DCAF1: variants seen among roughly 807,000 people sequenced by gnomAD.
The protein encoded by DCAF1 is DDB1 and CUL4 associated factor 1.
DCAF1 carries 15 observed loss-of-function variants against 128.0 expected under a neutral mutation model. That is an observed-to-expected ratio of 0.12 (90% CI 0.08 to 0.18). The LOEUF is 0.18. DCAF1 is among the 10% of genes least tolerant of loss of function. The pLI is 1.00. For synonymous variants in DCAF1, 610 were observed against 603.0 expected, an observed-to-expected ratio of 1.01 and a Z score of -0.17; for missense variants, 988 against 1,649.5, an observed-to-expected ratio of 0.60 and a Z score of 6.95.
intron 17 of DCAF1, 130 bp from the exon 18 acceptor site, chr3:51,417,001 G>A (rs1404834158): frequency 6.4e-6 from 9 of 1,403,000 alleles, no homozygotes; most frequent in African/African-American, 1.4e-5. Flanking sequence ...CTCCCAAAGA[G>A]GAAACAATCA....
intron 9 of DCAF1, among the ~76,000 whole-genome samples, chr3:51,436,136 C>G (rs1553636625): frequency 6.6e-6 from 1 of 152,198 alleles, no homozygotes; most frequent in African/African-American, 2.4e-5. Flanking sequence ...ACTGAATTCC[C>G]TTCCCATCTA....
chr3:51,466,711 C>G, intron 5 of DCAF1, 92 bp downstream of exon 5: 1 of 1,288,058 alleles, frequency 7.8e-7, no homozygotes, highest in Non-Finnish European at 1.1e-6. Flanking sequence ...TTTGTCAAGG[C>G]CTTAGGAGAA....
intron 22 of DCAF1, 130 bp downstream of exon 22, chr3:51,412,863 G>T: frequency 1.4e-6 from 2 of 1,379,610 alleles, no homozygotes; most frequent in Non-Finnish European, 2.0e-6. Context: ...AAATGAATAG[G>T]TTATCAATAA....
intron 7 of DCAF1, among the ~76,000 whole-genome samples, chr3:51,442,374 G>A (rs1308342754): frequency 1.3e-5 from 2 of 151,942 alleles, no homozygotes; most frequent in African/African-American, 4.8e-5. Flanking sequence ...TTGGGCCAAC[G>A]CTATAAAGTG....
intron 6 of DCAF1, among the ~76,000 whole-genome samples, chr3:51,446,947 C>G (rs2107765328): frequency 1.2e-5 from 1 of 84,090 alleles, no homozygotes; most frequent in Non-Finnish European, 2.5e-5. Context: ...CCAACAAGAA[C>G]AAAACTTTGT....
At chr3:51,498,131 G>A (rs1400383681) in intron 1 of DCAF1, among the ~76,000 whole-genome samples, 10 of 149,562 alleles carry the variant, frequency 6.7e-5, no homozygotes, top group African/African-American at 2.0e-4. Flanking sequence ...GGAGGCCGAG[G>A]TGGGCAGATC....
chr3:51,483,697 G>T (rs1197963574), intron 3 of DCAF1, 22 bp downstream of exon 3: 4 of 1,572,248 alleles, frequency 2.5e-6, no homozygotes, highest in Non-Finnish European at 3.5e-6. Context: ...ATTAAACTAG[G>T]TTTTAAAAAA....
chr3:51,424,781 C>T (rs1699758136), intron 13 of DCAF1, among the ~76,000 whole-genome samples: 1 of 151,994 alleles, frequency 6.6e-6, no homozygotes, highest in Non-Finnish European at 1.5e-5. Flanking sequence ...TAAAAACATG[C>T]AAAGCAGTAT....
At chr3:51,404,180 G>A (rs954098476) in intron 23 of DCAF1, among the ~76,000 whole-genome samples, 13 of 152,168 alleles carry the variant, frequency 8.5e-5, no homozygotes, top group Admixed American at 2.0e-4. Context: ...AAAGGGAGAG[G>A]ACACAAAGAT....
intron 9 of DCAF1, among the ~76,000 whole-genome samples, chr3:51,436,714 A>C (rs964201145): frequency 1.3e-5 from 2 of 152,220 alleles, no homozygotes; most frequent in Non-Finnish European, 2.9e-5. Flanking sequence ...CCAAGAGGAC[A>C]AAAGTATTCC....
intron 3 of DCAF1, among the ~76,000 whole-genome samples, chr3:51,474,195 G>C (rs182499754): frequency 7.4e-4 from 113 of 152,116 alleles, no homozygotes; most frequent in African/African-American, 2.5e-3. Context: ...GAGGCGGGCG[G>C]ATCACCTGAG....
At chr3:51,479,569 A>G (rs1553652006) in intron 3 of DCAF1, among the ~76,000 whole-genome samples, 1 of 152,078 alleles carries the variant, frequency 6.6e-6, no homozygotes, top group East Asian at 1.9e-4. Context: ...TGGGCAGATC[A>G]TGAGGGCAGG....
At chr3:51,445,580 T>C (rs1315953777) in intron 6 of DCAF1, among the ~76,000 whole-genome samples, 5 of 152,202 alleles carry the variant, frequency 3.3e-5, no homozygotes, top group African/African-American at 4.8e-5. Context: ...AGTGTACCTA[T>C]AGATGCTCTT....
intron 2 of DCAF1, among the ~76,000 whole-genome samples, chr3:51,489,134 C>T (rs1158350602): frequency 1.3e-5 from 2 of 152,102 alleles, no homozygotes; most frequent in African/African-American, 4.8e-5. Flanking sequence ...TCTATTAAAA[C>T]ACTGTACTGG....
At chr3:51,476,542 A>G (rs1459367696) in intron 3 of DCAF1, among the ~76,000 whole-genome samples, 1 of 143,360 alleles carries the variant, frequency 7.0e-6, no homozygotes, top group Admixed American at 7.4e-5. Context: ...TCCATCTAGC[A>G]GAGTACTTTA....
chr3:51,490,491 G>A (rs1707505153), intron 2 of DCAF1, among the ~76,000 whole-genome samples: 1 of 152,084 alleles, frequency 6.6e-6, no homozygotes, highest in African/African-American at 2.4e-5. Context: ...AAACATTGCT[G>A]GAGTCAATTC....
At chr3:51,416,161 C>T (rs952871553) in intron 18 of DCAF1, among the ~76,000 whole-genome samples, 1 of 151,996 alleles carries the variant, frequency 6.6e-6, no homozygotes, top group Non-Finnish European at 1.5e-5. Context: ...GTGTCTTCAT[C>T]TCACTCAAAA....
chr3:51,430,991 G>A (rs1159195972), intron 10 of DCAF1, among the ~76,000 whole-genome samples: 1 of 152,072 alleles, frequency 6.6e-6, no homozygotes, highest in African/African-American at 2.4e-5. Flanking sequence ...CACAGCCTGG[G>A]CAAAATGGCA....
upstream of DCAF1, among the ~76,000 whole-genome samples, chr3:51,502,683 G>A (rs559590402): frequency 3.2e-4 from 48 of 152,130 alleles, no homozygotes; most frequent in Non-Finnish European, 6.3e-4. Flanking sequence ...AGGGGAAGCA[G>A]GGGAGGAGAC....
Sources: gnomAD v4.1 joint callset for allele counts (sites outside exome capture counted in the v4.1 genomes callset) on GRCh38, gnomAD v4.1.1 for gene constraint, MANE v1.5 for transcripts, NCBI Gene and HGNC (gene_info 2026-07-23, HGNC 2026-07-21) for gene names.